Variants in GRIK2 observed in about 807,000 individuals in gnomAD.
GRIK2 encodes the protein glutamate ionotropic receptor kainate type subunit 2.
Under a neutral mutation model 100.3 loss-of-function variants are expected in GRIK2, and 32 were observed. The observed-to-expected ratio is 0.32, with a 90% CI of 0.24 to 0.43. The LOEUF (loss-of-function observed/expected upper bound fraction) is 0.43. GRIK2 is among the 20% of genes least tolerant of loss of function. The pLI is 1.00. For synonymous variants in GRIK2, 417 were observed against 389.4 expected (o/e 1.07, Z -0.83); for missense variants, 843 against 1,114.9 (o/e 0.76, Z 3.47).
rs1771352545 is a variant in GRIK2, at chr6:101,682,535, A to T, written c.724-18A>T. 9.9e-6 allele frequency: 9 copies of T among 905,432 alleles called. No homozygotes were observed. The highest frequency in any genetic ancestry group is 4.3e-5 in the Admixed American group (2 of 46,890). The allele number at this position is 905,432 out of a possible 1,614,324, so 56.1% of individuals were successfully genotyped here. Reference sequence around the variant, plus strand: ...TTTCCTGAAATATGTACCTTCAGTAATTTTTTTTTTTCCTTAGGCATTAGC... The same window carrying T: ...TTTCCTGAAATATGTACCTTCAGTATTTTTTTTTTTTCCTTAGGCATTAGC... On this transcript the variant is annotated intron_variant, in intron 5 of 16. Coordinates refer to ENST00000369134, the MANE Select transcript of GRIK2 (RefSeq NM_021956.5).
At chr6:101,860,903 T>C (rs1784697850) in intron 11 of GRIK2, 1 of 878,828 alleles carries the variant, frequency 1.1e-6, no homozygotes, top group East Asian at 1.2e-4. Context: ...TAGGAGAAAG[T>C]GAATTTCTGA....
At chr6:101,924,807 A>C (rs1023521836) in intron 13 of GRIK2, 88 bp downstream of exon 13, 2 of 804,170 alleles carry the variant, frequency 2.5e-6, no homozygotes, top group Admixed American at 1.8e-5. Flanking sequence ...AGTCGCTTGC[A>C]TGGGTGCCTC....
chr6:101,553,529 A>G (rs1329463562), intron 2 of GRIK2, among the ~76,000 whole-genome samples: 3 of 152,178 alleles, frequency 2.0e-5, no homozygotes, highest in African/African-American at 4.8e-5. Flanking sequence ...TGAAAAAAAT[A>G]CCACCATCAA....
intron 2 of GRIK2, among the ~76,000 whole-genome samples, chr6:101,608,007 A>C (rs1238276741): frequency 6.7e-6 from 1 of 148,868 alleles, no homozygotes; most frequent in East Asian, 2.0e-4. Flanking sequence ...CTGCAAGCAG[A>C]GGACATTTTA....
At chr6:102,008,209 G>C (rs1795342849) in intron 14 of GRIK2, among the ~76,000 whole-genome samples, 1 of 151,978 alleles carries the variant, frequency 6.6e-6, no homozygotes, top group Non-Finnish European at 1.5e-5. Flanking sequence ...AAATAGAAAG[G>C]AACAACTTGA....
At chr6:101,423,813 T>C (rs1378059984) in intron 2 of GRIK2, among the ~76,000 whole-genome samples, 1 of 152,148 alleles carries the variant, frequency 6.6e-6, no homozygotes, top group Non-Finnish European at 1.5e-5. Flanking sequence ...CAACCCAACT[T>C]CTGGGCATTT....
At chr6:101,638,962 G>A (rs1258112442) in intron 4 of GRIK2, among the ~76,000 whole-genome samples, 1 of 152,104 alleles carries the variant, frequency 6.6e-6, no homozygotes, top group Non-Finnish European at 1.5e-5. Context: ...ACTCCAGCCT[G>A]AGCAACAAAG....
chr6:101,624,242 T>G (rs1780319366), intron 3 of GRIK2, among the ~76,000 whole-genome samples: 1 of 152,102 alleles, frequency 6.6e-6, no homozygotes, highest in South Asian at 2.1e-4. Context: ...CTAAATAACT[T>G]AATTCAGTGT....
At chr6:102,041,551 A>T (rs2114452963) in intron 15 of GRIK2, among the ~76,000 whole-genome samples, 1 of 151,622 alleles carries the variant, frequency 6.6e-6, no homozygotes, top group Non-Finnish European at 1.5e-5. Context: ...TGTTGCATGG[A>T]GTCTTTGGCC....
At chr6:101,971,604 C>A (rs1793057009) in intron 14 of GRIK2, among the ~76,000 whole-genome samples, 1 of 151,952 alleles carries the variant, frequency 6.6e-6, no homozygotes, top group Non-Finnish European at 1.5e-5. Context: ...ACGTGCAGAT[C>A]TGTTACATGG....
At chr6:101,415,008 G>C (rs1011485157) in intron 2 of GRIK2, among the ~76,000 whole-genome samples, 4 of 80,452 alleles carry the variant, frequency 5.0e-5, no homozygotes, top group Non-Finnish European at 1.0e-4. Flanking sequence ...GGTGTGTGGG[G>C]TGTGTGTGTG....
intron 2 of GRIK2, among the ~76,000 whole-genome samples, chr6:101,615,881 G>A (rs1456473798): frequency 1.3e-5 from 2 of 151,754 alleles, no homozygotes; most frequent in Non-Finnish European, 2.9e-5. Flanking sequence ...AACCAGCTGA[G>A]ATCTTCCTCA....
intron 14 of GRIK2, among the ~76,000 whole-genome samples, chr6:101,929,924 G>T (rs964407751): frequency 6.6e-6 from 1 of 152,024 alleles, no homozygotes; most frequent in East Asian, 1.9e-4. Context: ...AAAACAATAC[G>T]TTCAGTATGG....
intron 4 of GRIK2, among the ~76,000 whole-genome samples, chr6:101,630,625 G>C (rs1780686657): frequency 6.6e-6 from 1 of 152,024 alleles, no homozygotes; most frequent in African/African-American, 2.4e-5. Flanking sequence ...ACCTTTGCTT[G>C]ATGCATAGTT....
chr6:101,881,590 A>G (rs1385164105), intron 11 of GRIK2, among the ~76,000 whole-genome samples: 46 of 151,892 alleles, frequency 3.0e-4, no homozygotes, highest in Non-Finnish European at 1.5e-5. Flanking sequence ...ATTTCTGCGT[A>G]CTGATATTTT....
rs1775399406 is a variant in GRIK2 at position 101,530,701 on chromosome 6, AC to A, written c.116-91246del. On this transcript the variant is annotated intron_variant, in intron 2 of 16. Coordinates refer to ENST00000369134, the MANE Select transcript of GRIK2 (RefSeq NM_021956.5). ...TTATTTAGAAGTTTTTCTGGAAACA[AC>A]CTTTAGAAGAAATTTTTGGTGACTG... Among the ~76,000 whole-genome samples, 3 of 152,140 alleles carry A rather than the reference AC, an allele frequency of 2.0e-5. No homozygotes were observed. In the South Asian group the frequency reaches 6.2e-4, roughly 31 times the overall value.
chr6:101,954,262 G>T (rs1791776041), intron 14 of GRIK2, among the ~76,000 whole-genome samples: 1 of 151,968 alleles, frequency 6.6e-6, no homozygotes, highest in Non-Finnish European at 1.5e-5. Flanking sequence ...ACAAATTTCT[G>T]CAAAAAGCCA....
chr6:101,829,207 C>A lies in GRIK2; in HGVS notation c.1317+10724C>A, dbSNP rs117905342. Reference sequence around the variant, plus strand: ...CAGAAATGCATTCAATAAAATACAACATCATTTCATAATAAAAATCCTCAA... The same window carrying A: ...CAGAAATGCATTCAATAAAATACAAAATCATTTCATAATAAAAATCCTCAA... On this transcript the variant is annotated intron_variant, in intron 10 of 16. Transcript: ENST00000369134. Among the ~76,000 whole-genome samples the A allele has an allele frequency of 9.9e-3, 1,498 of 151,976 alleles. 11 individuals carry two copies. Among genetic ancestry groups the A allele is most frequent in the Middle Eastern group, 0.02 (6 of 294 alleles).
intron 7 of GRIK2, among the ~76,000 whole-genome samples, chr6:101,779,724 C>A (rs868639240): frequency 7.2e-5 from 11 of 152,054 alleles, no homozygotes; most frequent in African/African-American, 9.7e-5. Context: ...CTGCACTATA[C>A]CCTCAGAGGG....
Sources: gnomAD v4.1 joint callset for allele counts (sites outside exome capture counted in the v4.1 genomes callset) on GRCh38, gnomAD v4.1.1 for gene constraint, MANE v1.5 for transcripts, NCBI Gene and HGNC (gene_info 2026-07-23, HGNC 2026-07-21) for gene names.